The following MYOCOS variants were observed in gnomAD, a reference collection of about 807,000 sequenced individuals.
MYOCOS encodes the protein myocilin opposite strand protein.
At chr1:171,621,626 C>T (rs576269384), upstream of MYOCOS, among the ~76,000 whole-genome samples, 3 of 152,214 alleles carry the variant, frequency 2.0e-5, no homozygotes, top group African/African-American at 4.8e-5. Context: ...CCGCCCGCCT[C>T]GGCCTCCTAA....
intron 1 of MYOCOS, among the ~76,000 whole-genome samples, chr1:171,605,396 A>ACGCACAC (rs1415539776): frequency 8.3e-6 from 1 of 120,822 alleles, no homozygotes; most frequent in African/African-American, 3.8e-5. Flanking sequence ...CACACACACA[A>ACGCACAC]AAAAAAAAAA....
intron 1 of MYOCOS, among the ~76,000 whole-genome samples, chr1:171,604,753 T>C (rs1242588534): frequency 1.3e-5 from 2 of 152,234 alleles, no homozygotes; most frequent in Non-Finnish European, 2.9e-5. Flanking sequence ...TCAAGAATCA[T>C]ATTTATGTAA....
At chr1:171,620,160 A>G (rs958114220), upstream of MYOCOS, among the ~76,000 whole-genome samples, 1 of 150,940 alleles carries the variant, frequency 6.6e-6, no homozygotes, top group Non-Finnish European at 1.5e-5. Flanking sequence ...ATACAGGAGG[A>G]CAGGGCTTAC....
chr1:171,607,076 A>G (rs1652258285), intron 1 of MYOCOS, among the ~76,000 whole-genome samples: 2 of 140,070 alleles, frequency 1.4e-5, no homozygotes, highest in South Asian at 5.0e-4. Context: ...CCTGGGCAAG[A>G]GAGTGAGACT....
chr1:171,609,973 G>T (rs1652325644), intron 1 of MYOCOS, among the ~76,000 whole-genome samples: 1 of 152,204 alleles, frequency 6.6e-6, no homozygotes, highest in African/African-American at 2.4e-5. Context: ...TCACTCACAT[G>T]GTTGTTAGTA....
upstream of MYOCOS, among the ~76,000 whole-genome samples, chr1:171,619,856 G>A (rs1012952362): frequency 6.6e-6 from 1 of 150,444 alleles, no homozygotes; most frequent in Non-Finnish European, 1.5e-5. Context: ...AAAAGAAAAG[G>A]AAAAGAAATC....
intron 1 of MYOCOS, among the ~76,000 whole-genome samples, chr1:171,612,687 G>C (rs558461735): frequency 6.6e-6 from 1 of 151,832 alleles, no homozygotes; most frequent in Non-Finnish European, 1.5e-5. Context: ...AAAATTAGCC[G>C]GCCGTGGTGG....
At chr1:171,614,190 CT>C (rs898544018) in intron 1 of MYOCOS, among the ~76,000 whole-genome samples, 4 of 152,176 alleles carry the variant, frequency 2.6e-5, no homozygotes, top group African/African-American at 9.7e-5. Flanking sequence ...TCCACATTGC[CT>C]GGTAATCCAG....
At chr1:171,608,734 TTTATACCCTCACA>T (rs1652301420) in intron 1 of MYOCOS, among the ~76,000 whole-genome samples, 1 of 152,082 alleles carries the variant, frequency 6.6e-6, no homozygotes, top group African/African-American at 2.4e-5. Flanking sequence ...GAACCAGACT[TTTATACCCTCACA>T]TTGTCCAGTT....
At chr1:171,603,103 A>G (rs1652174421) in intron 1 of MYOCOS, among the ~76,000 whole-genome samples, 1 of 152,172 alleles carries the variant, frequency 6.6e-6, no homozygotes, top group Non-Finnish European at 1.5e-5. Context: ...TCTCTGCTAT[A>G]TCCCGAAGTC....
intron 2 of MYOCOS, among the ~76,000 whole-genome samples, chr1:171,625,238 G>T (rs575482390): frequency 1.3e-5 from 2 of 152,164 alleles, no homozygotes; most frequent in Non-Finnish European, 2.9e-5. Context: ...TCCATCCAAG[G>T]ACGAGATGGC....
upstream of MYOCOS, among the ~76,000 whole-genome samples, chr1:171,618,326 A>G (rs936174798): frequency 1.3e-5 from 2 of 152,230 alleles, no homozygotes; most frequent in Admixed American, 6.5e-5. Flanking sequence ...ACTCTCCTTT[A>G]TCTCATATAT....
chr1:171,602,604 GTC>G (rs1652164579), intron 1 of MYOCOS, among the ~76,000 whole-genome samples: 1 of 152,060 alleles, frequency 6.6e-6, no homozygotes, highest in African/African-American at 2.4e-5. Context: ...GTTAAAAAGA[GTC>G]TATAAAATCT....
At chr1:171,621,277 A>G (rs1652562973), upstream of MYOCOS, among the ~76,000 whole-genome samples, 1 of 151,092 alleles carries the variant, frequency 6.6e-6, no homozygotes, top group Non-Finnish European at 1.5e-5. Flanking sequence ...AAATAGCTGT[A>G]TTTATCTACG....
At chr1:171,610,116 T>C (rs1423376954) in intron 1 of MYOCOS, among the ~76,000 whole-genome samples, 1 of 152,198 alleles carries the variant, frequency 6.6e-6, no homozygotes, top group African/African-American at 2.4e-5. Context: ...AATTTAGTGT[T>C]AGAAGGGACA....
At chr1:171,618,398 G>A (rs1652488597), upstream of MYOCOS, among the ~76,000 whole-genome samples, 2 of 152,186 alleles carry the variant, frequency 1.3e-5, no homozygotes, top group South Asian at 2.1e-4. Flanking sequence ...GAGAATAACC[G>A]AGTCACATTC....
upstream of MYOCOS, among the ~76,000 whole-genome samples, chr1:171,620,769 C>CT (rs201016150): frequency 5.0e-3 from 538 of 108,166 alleles, 9 homozygotes; most frequent in African/African-American, 0.02. Context: ...CTTTCTTTTT[C>CT]TTTCTTTTTT....
chr1:171,618,341 A>G (rs1015419577), upstream of MYOCOS, among the ~76,000 whole-genome samples: 6 of 152,224 alleles, frequency 3.9e-5, no homozygotes, highest in African/African-American at 1.4e-4. Context: ...ATATATGCAT[A>G]TATGTCTAGA....
chr1:171,607,453 G>T (rs1652272607), intron 1 of MYOCOS, among the ~76,000 whole-genome samples: 1 of 152,078 alleles, frequency 6.6e-6, no homozygotes, highest in Admixed American at 6.5e-5. Context: ...GTGTCTCAAG[G>T]TATGAGAAAA....
Sources: allele counts gnomAD v4.1 joint callset (sites outside exome capture counted in the v4.1 genomes callset), GRCh38; gene constraint gnomAD v4.1.1; transcripts MANE v1.5; gene names NCBI Gene and HGNC (gene_info 2026-07-23, HGNC 2026-07-21).